The following DMRTB1 variants were observed in gnomAD, a reference collection of about 807,000 sequenced individuals.
The protein encoded by DMRTB1 is DMRT like family B with proline rich C-terminal 1.
Under a neutral mutation model 25.2 loss-of-function variants are expected in DMRTB1, and 9 were observed. The observed-to-expected ratio is 0.36, with a 90% CI of 0.22 to 0.62. The LOEUF is 0.62. Among genes scored for constraint, DMRTB1 ranks in the 20% least tolerant of loss-of-function variants. The pLI is 0.71. For missense variants in DMRTB1, 551 were observed against 499.3 expected, an observed-to-expected ratio of 1.10 and a Z score of -0.99; for synonymous variants, 269 against 238.1, an observed-to-expected ratio of 1.13 and a Z score of -1.20.
intron 1 of DMRTB1, chr1:53,460,571 C>T (rs1016842785): frequency 6.5e-6 from 1 of 152,984 alleles, no homozygotes; most frequent in Non-Finnish European, 1.5e-5. Flanking sequence ...GTGAGGGGAG[C>T]CTGCTTCTTT....
At chr1:53,465,037 G>C (rs564584352) in intron 3 of DMRTB1, among the ~76,000 whole-genome samples, 190 bp downstream of exon 3, 111 of 152,338 alleles carry the variant, frequency 7.3e-4, no homozygotes, top group African/African-American at 2.2e-3. Flanking sequence ...AGGGAGGTGG[G>C]AATGGGATTC....
In DMRTB1 at chr1:53,459,545, G is replaced by A; in HGVS notation, c.92G>A (p.Arg31His). Reference protein sequence around the residue: ...VPVKGHAGKCRWKQCLCEKCY... With the variant: ...VPVKGHAGKCHWKQCLCEKCY... Reference sequence around the variant, plus strand: ...GTCAAGGGACACGCGGGCAAATGCCGCTGGAAGCAGTGCCTCTGCGAGAAG... The same window carrying A: ...GTCAAGGGACACGCGGGCAAATGCCACTGGAAGCAGTGCCTCTGCGAGAAG... Residue 31 changes from arginine (R) to histidine (H), a missense_variant, in exon 1 of 4, where the codon CGC becomes CAC. Arg to His is a conservative substitution (Grantham distance 29). Coordinates refer to ENST00000371445, the MANE Select transcript of DMRTB1 (RefSeq NM_033067.3). 1 of 1,612,342 alleles carries A rather than the reference G, an allele frequency of 6.2e-7. No homozygotes were observed. The highest frequency in any genetic ancestry group is 8.5e-7 in the Non-Finnish European group (1 of 1,179,624).
Position 53,459,459 on chromosome 1 carries a change from C to T in DMRTB1, c.6C>T (p.Ala2=), listed in dbSNP as rs750982471. 26 of 1,612,900 alleles carry T rather than the reference C, an allele frequency of 1.6e-5. No individual in the cohort carries two copies. The South Asian group carries it at 2.6e-4, about 16-fold the overall frequency. The part of the protein sequence containing the change: M[A]DKMVRTPKCS... ...TACGAAGGCTGACCCTGCCAATGGC[C>T]GACAAAATGGTGCGCACCCCCAAGT... Residue 2 remains alanine (A), a synonymous_variant, in exon 1 of 4, where the codon GCC becomes GCT. Transcript: ENST00000371445.
chr1:53,461,446 A>C, intron 1 of DMRTB1, 27 bp from the exon 2 acceptor site: 1 of 1,545,302 alleles, frequency 6.5e-7, no homozygotes, highest in Non-Finnish European at 8.8e-7. Flanking sequence ...GGTGTCTAAC[A>C]CTTCCCTCCT....
At position 53,467,182 on chromosome 1, in the gene DMRTB1, T is replaced by TC. The variant is rs1644055232; in HGVS notation, c.*525dup. The TC allele has an allele frequency of 6.5e-6, 1 of 154,070 alleles. No homozygotes were observed. The highest frequency in any genetic ancestry group is 6.4e-5 in the Admixed American group (1 of 15,562). The allele number at this position is 154,070 out of a possible 1,614,324, so 9.5% of individuals were successfully genotyped here. A position where few individuals can be genotyped will look rare whatever the true frequency, so the allele number is the denominator to read the frequency against. ...TGCAGCATCCTGCCTTGCTGCTCTG[T>TC]CCCCCACATCTTCCTGGCCACAGCC... is the stretch of plus-strand genomic sequence containing the variant. On this transcript the variant is annotated 3_prime_UTR_variant, in exon 4 of 4. Coordinates refer to ENST00000371445, the MANE Select transcript of DMRTB1 (RefSeq NM_033067.3).
Position 53,459,505 on chromosome 1 carries a change from G to A in DMRTB1, c.52G>A (p.Gly18Ser). Residue 18 changes from glycine (G) to serine (S), a missense_variant, in exon 1 of 4, where the codon GGC becomes AGC. Transcript: ENST00000371445. ...TPKCSRCRNH[G>S]FLVPVKGHAG... The stretch of plus-strand genomic sequence containing the variant: ...CAAGTGCTCGAGATGCAGGAACCAT[G>A]GCTTCCTGGTGCCCGTCAAGGGACA... The A allele has an allele frequency of 1.2e-6, 2 of 1,613,266 alleles. No individual in the cohort carries two copies. The highest frequency in any genetic ancestry group is 2.2e-5 in the East Asian group (1 of 44,882).
At chr1:53,460,081 G>A (rs749749296) in intron 1 of DMRTB1, 51 bp downstream of exon 1, 19 of 1,498,060 alleles carry the variant, frequency 1.3e-5, no homozygotes, top group African/African-American at 1.4e-5. Context: ...GGCAGCCCAG[G>A]CCAGCCCGGA....
chr1:53,462,172 T>C (rs185683061), intron 2 of DMRTB1, among the ~76,000 whole-genome samples: 19 of 152,192 alleles, frequency 1.2e-4, no homozygotes, highest in Admixed American at 1.3e-4. Context: ...AGAATGAAAT[T>C]TAATCCTTTT....
chr1:53,465,168 G>A (rs549697427), intron 3 of DMRTB1, among the ~76,000 whole-genome samples: 28 of 152,278 alleles, frequency 1.8e-4, no homozygotes, highest in African/African-American at 6.3e-4. Flanking sequence ...TTATTGGCTC[G>A]TGGGCGGTGC....
Position 53,466,815 on chromosome 1 carries a change from A to G in DMRTB1, c.*153A>G, listed in dbSNP as rs928029903. The G allele has an allele frequency of 3.9e-6, 3 of 768,012 alleles. No homozygotes were observed. The highest frequency in any genetic ancestry group is 1.7e-5 in the African/African-American group (1 of 57,502). The allele number at this position is 768,012 out of a possible 1,614,324, so 47.6% of individuals were successfully genotyped here. A position where few individuals can be genotyped will look rare whatever the true frequency, so the allele number is the denominator to read the frequency against. ...GTTTAAGATAGGAGGAAGGAGAGCA[A>G]TTTCTAAGTTTCAATCCTGCGCTGT... On this transcript the variant is annotated 3_prime_UTR_variant, in exon 4 of 4. Coordinates refer to ENST00000371445, the MANE Select transcript of DMRTB1 (RefSeq NM_033067.3).
intron 1 of DMRTB1, 128 bp from the exon 2 acceptor site, chr1:53,461,345 C>T (rs929489044): frequency 2.1e-5 from 20 of 973,456 alleles, no homozygotes; most frequent in African/African-American, 6.7e-5. Context: ...GAGGGCCCAG[C>T]GGAAGGAAGT....
chr1:53,459,935 C>A lies in DMRTB1; in HGVS notation c.482C>A (p.Pro161His). The A allele has an allele frequency of 6.4e-7, 1 of 1,566,046 alleles. No individual in the cohort carries two copies. Among genetic ancestry groups the A allele is most frequent in the Non-Finnish European group, 8.6e-7 (1 of 1,165,482 alleles). Reference protein sequence around the residue: ...AVAMPSLAGPPFGAEAAGSGY... With the variant: ...AVAMPSLAGPHFGAEAAGSGY... ...GCGATGCCCAGCCTTGCGGGACCCC[C>A]TTTTGGGGCGGAGGCCGCAGGCAGT... Residue 161 changes from proline to histidine, a missense_variant, in exon 1 of 4, where the codon CCT becomes CAT. Pro to His is a moderately conservative substitution (Grantham distance 77). Transcript: ENST00000371445.
Position 53,459,696 on chromosome 1 carries a change from G to GGCC in DMRTB1, c.250_252dup (p.Ala84dup). 5.5e-6 allele frequency: 8 copies of GGCC among 1,450,630 alleles called. No individual in the cohort carries two copies. The highest frequency in any genetic ancestry group is 7.4e-6 in the Non-Finnish European group (8 of 1,085,516). The allele number at this position is 1,450,630 out of a possible 1,614,324, so 89.9% of individuals were successfully genotyped here. ...GGCCCAAGCAGGCCTCCGGGGCTGC[G>GGCC]GCCGCCGCCCCCGCCCCCGTCCCCG... On this transcript the variant is annotated inframe_insertion, in exon 1 of 4. Coordinates refer to ENST00000371445, the MANE Select transcript of DMRTB1 (RefSeq NM_033067.3).
intron 2 of DMRTB1, 90 bp from the exon 3 acceptor site, chr1:53,464,547 C>A (rs1644039641): frequency 1.9e-6 from 3 of 1,594,960 alleles, no homozygotes; most frequent in Admixed American, 1.7e-5. Context: ...CCATCAGGAG[C>A]CCCCCACTTC....
chr1:53,464,714 G>A lies in DMRTB1; in HGVS notation c.828G>A (p.Pro276=), dbSNP rs774506748. The A allele has an allele frequency of 6.2e-6, 10 of 1,613,010 alleles. No homozygotes were observed. The highest frequency in any genetic ancestry group is 1.7e-5 in the Admixed American group (1 of 59,944). ...CGCCGCCACTGCCGCCCCTTCCACC[G>A]CTTCCACCGCAGCCCCAGTTCCTCC... ...PPPPPLPPLP[P]LPPQPQFLPP... Residue 276 remains proline, a synonymous_variant, in exon 3 of 4, where the codon CCG becomes CCA. Transcript: ENST00000371445.
chr1:53,460,110 G>C, intron 1 of DMRTB1, 80 bp downstream of exon 1: 1 of 1,436,230 alleles, frequency 7.0e-7, no homozygotes, highest in Non-Finnish European at 9.1e-7. Context: ...TGGCATAGGG[G>C]TTCGGGGTGG....
rs71637806 is a variant in DMRTB1, at chr1:53,461,377, T to C, written c.578-96T>C. Reference sequence around the variant, plus strand: ...AAGTGCGGGGTGGGCTTTCTGTGCTTGGACGGCAGCGCTGATGACCCCGCC... The same window carrying C: ...AAGTGCGGGGTGGGCTTTCTGTGCTCGGACGGCAGCGCTGATGACCCCGCC... On this transcript the variant is annotated intron_variant, in intron 1 of 3. Coordinates refer to ENST00000371445, the MANE Select transcript of DMRTB1 (RefSeq NM_033067.3). The C allele has an allele frequency of 2.3e-6, 3 of 1,320,286 alleles. No homozygotes were observed. The South Asian group carries it at 4.9e-5, about 22-fold the overall frequency. 81.8% of individuals were successfully genotyped at this position (1,320,286 alleles called of 1,614,324 possible).
chr1:53,459,495 C>T lies in DMRTB1; in HGVS notation c.42C>T (p.Cys14=). 1 of 1,613,232 alleles carries T rather than the reference C, an allele frequency of 6.2e-7. No homozygotes were observed. The highest frequency in any genetic ancestry group is 8.5e-7 in the Non-Finnish European group (1 of 1,180,004). ...KMVRTPKCSR[C]RNHGFLVPVK... is the part of the protein sequence containing the mutation. ...TGCGCACCCCCAAGTGCTCGAGATG[C>T]AGGAACCATGGCTTCCTGGTGCCCG... The change falls in exon 1 of 4, where the codon TGC becomes TGT. Residue 14 remains cysteine (C), a synonymous_variant. Transcript: ENST00000371445.
Position 53,461,381 on chromosome 1 carries a change from C to A in DMRTB1, c.578-92C>A. On this transcript the variant is annotated intron_variant, in intron 1 of 3. Coordinates refer to ENST00000371445, the MANE Select transcript of DMRTB1 (RefSeq NM_033067.3). ...GCGGGGTGGGCTTTCTGTGCTTGGACGGCAGCGCTGATGACCCCGCCGCCC... is the reference window on the plus strand; with the variant it reads ...GCGGGGTGGGCTTTCTGTGCTTGGAAGGCAGCGCTGATGACCCCGCCGCCC... 3 of 1,343,362 alleles carry A rather than the reference C, an allele frequency of 2.2e-6. No homozygotes were observed. The South Asian group carries it at 4.7e-5, about 21-fold the overall frequency. 83.2% of individuals were successfully genotyped at this position (1,343,362 alleles called of 1,614,324 possible). A position where few individuals can be genotyped will look rare whatever the true frequency, so the allele number is the denominator to read the frequency against.
Sources: allele counts gnomAD v4.1 joint callset (sites outside exome capture counted in the v4.1 genomes callset), GRCh38; gene constraint gnomAD v4.1.1; transcripts MANE v1.5; gene names NCBI Gene and HGNC (gene_info 2026-07-23, HGNC 2026-07-21).